Variants in ARL1 observed in about 807,000 individuals in gnomAD.
The protein encoded by ARL1 is ARF like GTPase 1, also known as ADP-ribosylation factor-like protein 1.
ARL1 carries 17 observed loss-of-function variants against 30.1 expected under a neutral mutation model. That is an observed-to-expected ratio of 0.56 (90% CI 0.39 to 0.85). The LOEUF (loss-of-function observed/expected upper bound fraction) is 0.85, where lower values mean the gene tolerates loss of function less well. ARL1 is among the 40% of genes least tolerant of loss of function. The probability of loss-of-function intolerance (pLI) is 0.00; values close to 1 mark genes in which losing one functional copy is unlikely to be tolerated. For synonymous variants in ARL1, 58 were observed against 71.7 expected (o/e 0.81, Z 0.97); for missense variants, 102 against 212.6 (o/e 0.48, Z 3.24).
chr12:101,398,154 T>C (rs1026989830), intron 4 of ARL1, among the ~76,000 whole-genome samples: 10 of 151,928 alleles, frequency 6.6e-5, no homozygotes, highest in African/African-American at 2.4e-4. Context: ...TCCCAGCACT[T>C]TGGGAGGCTG....
At chr12:101,396,360 C>T (rs748926794) in intron 5 of ARL1, 39 bp downstream of exon 5, 1 of 1,613,184 alleles carries the variant, frequency 6.2e-7, no homozygotes, top group Non-Finnish European at 8.5e-7. Flanking sequence ...TGCAAGCACA[C>T]ACAAATGCAC....
Position 101,405,976 on chromosome 12 carries a change from A to C in ARL1, c.10T>G (p.Phe4Val), listed in dbSNP as rs745925566. The C allele has an allele frequency of 1.3e-6, 2 of 1,557,542 alleles. No individual in the cohort carries two copies. The highest frequency in any genetic ancestry group is 2.3e-5 in the East Asian group (1 of 42,608). The change falls in exon 2 of 6, where the codon TTT becomes GTT. Residue 4 changes from phenylalanine to valine, a missense_variant. Transcript: ENST00000261636. Reference sequence around the variant, plus strand: ...AGACTGGAAAATATACTTGAGAAAAAGCCACCTAAAAAATAATAAAAGAAA... The same window carrying C: ...AGACTGGAAAATATACTTGAGAAAACGCCACCTAAAAAATAATAAAAGAAA... MGG[F>V]FSSIFSSLFG...
In ARL1 at chr12:101,407,518, C is replaced by A. The variant is rs1007575016; in HGVS notation, c.4+124G>T. The A allele has an allele frequency of 1.2e-5, 16 of 1,332,866 alleles. No individual in the cohort carries two copies. In the Admixed American group the frequency reaches 3.0e-4, roughly 25 times the overall value. 82.6% of individuals were successfully genotyped at this position (1,332,866 alleles called of 1,614,324 possible). A position where few individuals can be genotyped will look rare whatever the true frequency, so the allele number is the denominator to read the frequency against. ...GATCCAAAGTGAGTCAAGTCCTCCG[C>A]GACCCGCCCCCTGAGGAGCTGGCTA... On this transcript the variant is annotated intron_variant, in intron 1 of 5. Coordinates refer to ENST00000261636, the MANE Select transcript of ARL1 (RefSeq NM_001177.6).
At chr12:101,406,933 G>C (rs896156577) in intron 1 of ARL1, 4 of 152,208 alleles carry the variant, frequency 2.6e-5, no homozygotes, top group Admixed American at 6.5e-5. Context: ...CAAAGAATCT[G>C]CACCTTCATT....
Position 101,407,689 on chromosome 12 carries a change from G to A in ARL1, c.-44C>T. 2 of 1,611,576 alleles carry A rather than the reference G, an allele frequency of 1.2e-6. No individual in the cohort carries two copies. Among genetic ancestry groups the A allele is most frequent in the Non-Finnish European group, 1.7e-6 (2 of 1,179,556 alleles). The stretch of plus-strand genomic sequence containing the variant: ...CCTCGCCGATCTTCAGTGATTCCTT[G>A]GCCTTCGGCTGCAGCTCCGAGGCGG... On this transcript the variant is annotated 5_prime_UTR_variant, in exon 1 of 6. Coordinates refer to ENST00000261636, the MANE Select transcript of ARL1 (RefSeq NM_001177.6).
In ARL1 at chr12:101,395,494, T is replaced by C; in HGVS notation, c.*146A>G. 1.7e-6 allele frequency: 1 copy of C among 599,856 alleles called. No homozygotes were observed. Among genetic ancestry groups the C allele is most frequent in the Non-Finnish European group, 2.9e-6 (1 of 343,288 alleles). The allele number at this position is 599,856 out of a possible 1,614,324, so 37.2% of individuals were successfully genotyped here. On this transcript the variant is annotated 3_prime_UTR_variant, in exon 6 of 6. Coordinates refer to ENST00000261636, the MANE Select transcript of ARL1 (RefSeq NM_001177.6). Reference sequence around the variant, plus strand: ...TATCCCTCCAACTAAATACTTATTTTCCCTATTTACTACAAATATTGCAGT... The same window carrying C: ...TATCCCTCCAACTAAATACTTATTTCCCCTATTTACTACAAATATTGCAGT...
chr12:101,403,875 G>A (rs1871370102), intron 2 of ARL1, among the ~76,000 whole-genome samples: 1 of 152,158 alleles, frequency 6.6e-6, no homozygotes, highest in African/African-American at 2.4e-5. Flanking sequence ...CATGAGAATC[G>A]CTTGAACCTG....
At chr12:101,396,239 A>G (rs1357890952) in intron 5 of ARL1, 160 bp downstream of exon 5, 1 of 866,190 alleles carries the variant, frequency 1.2e-6, no homozygotes, top group Non-Finnish European at 1.9e-6. Context: ...AGACAGATGC[A>G]CCTGAAGACC....
chr12:101,397,378 T>C (rs1337268335), intron 4 of ARL1, among the ~76,000 whole-genome samples: 1 of 152,050 alleles, frequency 6.6e-6, no homozygotes, highest in Admixed American at 6.6e-5. Flanking sequence ...CAGGGGTCTC[T>C]ACAAAAATTT....
At chr12:101,400,458 G>GT (rs1392961844) in intron 4 of ARL1, 2 of 151,864 alleles carry the variant, frequency 1.3e-5, no homozygotes, top group Admixed American at 1.3e-4. Flanking sequence ...ATAAAGAAGG[G>GT]TAAAGGATTA....
In ARL1 at chr12:101,394,245, GA is replaced by G. The variant is rs1182120693; in HGVS notation, c.*1394del. 1 of 152,192 alleles carries G rather than the reference GA, an allele frequency of 6.6e-6. No homozygotes were observed. The highest frequency in any genetic ancestry group is 1.5e-5 in the Non-Finnish European group (1 of 68,042). 9.4% of individuals were successfully genotyped at this position (152,192 alleles called of 1,614,324 possible). A position where few individuals can be genotyped will look rare whatever the true frequency, so the allele number is the denominator to read the frequency against. On this transcript the variant is annotated 3_prime_UTR_variant, in exon 6 of 6. Transcript: ENST00000261636. ...ACACTGGAAGGACAGTGAGGGCCAA[GA>G]AAGGAACTACTAATGTTTCTGAGAC...
intron 5 of ARL1, 76 bp from the exon 6 acceptor site, chr12:101,395,746 A>G: frequency 9.4e-7 from 1 of 1,065,980 alleles, no homozygotes; most frequent in Non-Finnish European, 1.4e-6. Context: ...TAAACTTTGT[A>G]TTGGAGGTGG....
chr12:101,400,256 T>C (rs1218087082), intron 4 of ARL1: 1 of 149,638 alleles, frequency 6.7e-6, no homozygotes, highest in African/African-American at 2.5e-5. Flanking sequence ...AAAAATAATG[T>C]AAAAAAACAG....
Position 101,395,423 on chromosome 12 carries a change from A to G in ARL1, c.*217T>C. The G allele has an allele frequency of 2.1e-6, 1 of 487,066 alleles. No homozygotes were observed. Among genetic ancestry groups the G allele is most frequent in the Non-Finnish European group, 3.6e-6 (1 of 276,360 alleles). The allele number at this position is 487,066 out of a possible 1,614,324, so 30.2% of individuals were successfully genotyped here. A position where few individuals can be genotyped will look rare whatever the true frequency, so the allele number is the denominator to read the frequency against. Reference sequence around the variant, plus strand: ...ATACCTTAACACAAGAAAGCAAGAAAAGAATATTTTACATTACATAGAACA... The same window carrying G: ...ATACCTTAACACAAGAAAGCAAGAAGAGAATATTTTACATTACATAGAACA... On this transcript the variant is annotated 3_prime_UTR_variant, in exon 6 of 6. Coordinates refer to ENST00000261636, the MANE Select transcript of ARL1 (RefSeq NM_001177.6).
intron 1 of ARL1, 26 bp downstream of exon 1, chr12:101,407,616 C>T: frequency 6.2e-7 from 1 of 1,609,704 alleles, no homozygotes; most frequent in Non-Finnish European, 8.5e-7. Context: ...TCGAGCGCGC[C>T]CAGGTGCCCT....
Position 101,396,413 on chromosome 12 carries a change from A to C in ARL1, c.501T>G (p.Asp167Glu). 1 of 1,614,034 alleles carries C rather than the reference A, an allele frequency of 6.2e-7. No homozygotes were observed. Among genetic ancestry groups the C allele is most frequent in the Non-Finnish European group, 8.5e-7 (1 of 1,179,906 alleles). ...ATGATACTTGCCATTCCATTGCCTC[A>C]TCAAGGCCGGTGCCTTTGGTTGCTG... ...KTSATKGTGL[D>E]EAMEWLVETL... Residue 167 changes from aspartate (D) to glutamate (E), a missense_variant, in exon 5 of 6, where the codon GAT (aspartate) becomes GAG (glutamate). Asp to Glu is a conservative substitution (Grantham distance 45). Coordinates refer to ENST00000261636, the MANE Select transcript of ARL1 (RefSeq NM_001177.6).
At chr12:101,396,880 C>T (rs1382640118) in intron 4 of ARL1, among the ~76,000 whole-genome samples, 1 of 152,084 alleles carries the variant, frequency 6.6e-6, no homozygotes, top group African/African-American at 2.4e-5. Context: ...TAGTTCCATA[C>T]CCTGCCTAAA....
chr12:101,407,497 C>T, intron 1 of ARL1, 145 bp downstream of exon 1: 3 of 1,071,828 alleles, frequency 2.8e-6, no homozygotes, highest in Non-Finnish European at 2.7e-6. Context: ...GATGAAGATC[C>T]AAAGTGAGTC....
At chr12:101,399,159 T>G (rs1165616740) in intron 4 of ARL1, among the ~76,000 whole-genome samples, 1 of 152,004 alleles carries the variant, frequency 6.6e-6, no homozygotes, top group African/African-American at 2.4e-5. Flanking sequence ...CTATTAAGTC[T>G]GCAATTTATA....
Sources: gnomAD v4.1 joint callset for allele counts (sites outside exome capture counted in the v4.1 genomes callset) on GRCh38, gnomAD v4.1.1 for gene constraint, MANE v1.5 for transcripts, NCBI Gene and HGNC (gene_info 2026-07-23, HGNC 2026-07-21) for gene names.